ZNF202: variants seen among roughly 807,000 people sequenced by gnomAD.
The protein encoded by ZNF202 is zinc finger protein 202.
ZNF202 carries 22 observed loss-of-function variants against 54.5 expected under a neutral mutation model. That is an observed-to-expected ratio of 0.40 (90% CI 0.29 to 0.58). The LOEUF is 0.58. Among genes scored for constraint, ZNF202 ranks in the 20% least tolerant of loss-of-function variants. The pLI, the probability that ZNF202 is intolerant of heterozygous loss-of-function variation, is 0.39. For missense variants in ZNF202, 644 were observed against 805.5 expected, an observed-to-expected ratio of 0.80 and a Z score of 2.43; for synonymous variants, 294 against 301.4, an observed-to-expected ratio of 0.98 and a Z score of 0.26.
At position 123,726,223 on chromosome 11, in the gene ZNF202, A is replaced by G; in HGVS notation, c.1721T>C (p.Phe574Ser). 1 of 1,614,160 alleles carries G rather than the reference A, an allele frequency of 6.2e-7. No homozygotes were observed. The highest frequency in any genetic ancestry group is 2.2e-5 in the East Asian group (1 of 44,870). ...CTTGGCGAACGCTGCGCTGTGGGTGAAGCAGCGCCCGCACTCGCTGCAGAG... is the reference window on the plus strand; with the variant it reads ...CTTGGCGAACGCTGCGCTGTGGGTGGAGCAGCGCCCGCACTCGCTGCAGAG... Reference protein sequence around the residue: ...LYLCSECGRCFTHSAAFAKHL... With the variant: ...LYLCSECGRCSTHSAAFAKHL... Residue 574 changes from phenylalanine to serine, a missense_variant, in exon 9 of 9, where the codon TTC becomes TCC. Phe to Ser is a radical substitution (Grantham distance 155). This residue lies in a region of ZNF202 where 536 missense variants were observed against 635.3 expected (regional missense o/e 0.84). Transcript: ENST00000530393. The surrounding 1 kb of genome is among the most constrained non-coding windows in gnomAD (Gnocchi z 6.0).
Position 123,729,137 on chromosome 11 carries a change from C to A in ZNF202, c.691G>T (p.Ala231Ser). 6.2e-7 allele frequency: 1 copy of A among 1,613,954 alleles called. No individual in the cohort carries two copies. Among genetic ancestry groups the A allele is most frequent in the Non-Finnish European group, 8.5e-7 (1 of 1,180,002 alleles). ...TAACTAGGGCACACCTGTGACAGAGCAGTAAGAAGAGCAACCATCTCTGAG... is the reference window on the plus strand; with the variant it reads ...TAACTAGGGCACACCTGTGACAGAGAAGTAAGAAGAGCAACCATCTCTGAG... The part of the protein sequence containing the change: ...GDSEMVALLT[A>S]LSQGLVTFKD... The change falls in exon 6 of 9, where the codon GCT (alanine) becomes TCT (serine). Residue 231 changes from alanine (A) to serine (S), a missense_variant. This residue lies in a region of ZNF202 where 536 missense variants were observed against 635.3 expected (regional missense o/e 0.84). Transcript: ENST00000530393.
intron 3 of ZNF202, among the ~76,000 whole-genome samples, chr11:123,733,622 A>G (rs1350634572): frequency 6.6e-6 from 1 of 152,104 alleles, no homozygotes; most frequent in Non-Finnish European, 1.5e-5. Flanking sequence ...CAGTAGTACA[A>G]TCATAGCTCA....
rs1223242868 is a variant in ZNF202 at position 123,726,799 on chromosome 11, T to G, written c.1145A>C (p.Asn382Thr). Residue 382 changes from asparagine to threonine, a missense_variant, in exon 9 of 9, where the codon AAC (asparagine) becomes ACC (threonine). This residue lies in a region of ZNF202 where 536 missense variants were observed against 635.3 expected (regional missense o/e 0.84). Coordinates refer to ENST00000530393, the MANE Select transcript of ZNF202 (RefSeq NM_003455.4). This position sits in a 1 kb window ranked among gnomAD's most constrained non-coding sequence, Gnocchi z 6.0. ...GTGGACGGGTGTAGTTTCCCGAAGG[T>G]TCACAAAACTATTCACTTGAGAAAT... ...TNISQVNSFVNLRETTPVHPL... is the reference protein window; with the variant it reads ...TNISQVNSFVTLRETTPVHPL... 6.2e-7 allele frequency: 1 copy of G among 1,614,148 alleles called. No individual in the cohort carries two copies. Among genetic ancestry groups the G allele is most frequent in the Non-Finnish European group, 8.5e-7 (1 of 1,180,012 alleles).
chr11:123,728,977 T>C (rs532144484), intron 6 of ZNF202, 149 bp downstream of exon 6: 1 of 703,530 alleles, frequency 1.4e-6, no homozygotes, highest in Non-Finnish European at 2.4e-6. Context: ...TTTATCTCAT[T>C]ATCTCCTCCC....
In ZNF202 at chr11:123,727,060, A is replaced by AT; in HGVS notation, c.953-70dup. 12 of 1,523,742 alleles carry AT rather than the reference A, an allele frequency of 7.9e-6. No homozygotes were observed. In the South Asian group the frequency reaches 1.6e-4, roughly 20 times the overall value. The allele number at this position is 1,523,742 out of a possible 1,614,324, so 94.4% of individuals were successfully genotyped here. On this transcript the variant is annotated intron_variant, in intron 8 of 8. Transcript: ENST00000530393. Reference sequence around the variant, plus strand: ...ACAATGCCTTCTACACAATGGGGAGATTTTTACAAAGGGTTTTGAGATGGC... The same window carrying AT: ...ACAATGCCTTCTACACAATGGGGAGATTTTTTACAAAGGGTTTTGAGATGGC...
At chr11:123,737,761 G>A (rs146543109) in intron 3 of ZNF202, among the ~76,000 whole-genome samples, 68 of 152,314 alleles carry the variant, frequency 4.5e-4, no homozygotes, top group African/African-American at 1.5e-3. Context: ...TTCGGCGGAG[G>A]GTGACCTGTG....
chr11:123,733,286 T>A (rs547068670), intron 3 of ZNF202, among the ~76,000 whole-genome samples: 1 of 152,356 alleles, frequency 6.6e-6, no homozygotes, highest in South Asian at 2.1e-4. Context: ...TTCTAATTCA[T>A]GCTCTTATGA....
chr11:123,729,506 C>G, intron 5 of ZNF202, 109 bp downstream of exon 5: 1 of 1,290,826 alleles, frequency 7.7e-7, no homozygotes, highest in Non-Finnish European at 1.0e-6. Flanking sequence ...GATGTCTTTC[C>G]ATACAGTCTA....
In ZNF202 at chr11:123,726,320, A is replaced by G; in HGVS notation, c.1624T>C (p.Cys542Arg). The change falls in exon 9 of 9, where the codon TGT becomes CGT. Residue 542 changes from cysteine to arginine, a missense_variant. By Grantham distance (180) the Cys-to-Arg change is radical (BLOSUM62 -3). Coordinates refer to ENST00000530393, the MANE Select transcript of ZNF202 (RefSeq NM_003455.4). The surrounding 1 kb of genome is among the most constrained non-coding windows in gnomAD (Gnocchi z 6.0). ...LGGKPYLCGE[C>R]GEDFSEHRRY... Reference sequence around the variant, plus strand: ...CTGTGTTCACTGAAGTCCTCACCACACTCTCCACACAAGTAGGGTTTGCCT... The same window carrying G: ...CTGTGTTCACTGAAGTCCTCACCACGCTCTCCACACAAGTAGGGTTTGCCT... 6.2e-7 allele frequency: 1 copy of G among 1,613,694 alleles called. No homozygotes were observed. Among genetic ancestry groups the G allele is most frequent in the Non-Finnish European group, 8.5e-7 (1 of 1,179,916 alleles).
chr11:123,734,512 CTA>C (rs1173556857), intron 3 of ZNF202, among the ~76,000 whole-genome samples: 1 of 152,204 alleles, frequency 6.6e-6, no homozygotes, highest in Non-Finnish European at 1.5e-5. Context: ...GTGGTTAACT[CTA>C]TCCATCTTTC....
chr11:123,726,163 C>A lies in ZNF202; in HGVS notation c.1781G>T (p.Arg594Leu). The A allele has an allele frequency of 6.2e-7, 1 of 1,614,216 alleles. No homozygotes were observed. Among genetic ancestry groups the A allele is most frequent in the Non-Finnish European group, 8.5e-7 (1 of 1,180,036 alleles). ...GAAGCTCTTCCCACATTCGTTGCAT[C>A]GGCAGGGCCTCACTGAGGCGTGTCC... ...LRGHASVRPCRCNECGKSFSR... is the reference protein window; with the variant it reads ...LRGHASVRPCLCNECGKSFSR... Residue 594 changes from arginine (R) to leucine (L), a missense_variant, in exon 9 of 9, where the codon CGA becomes CTA. This residue lies in a region of ZNF202 where 536 missense variants were observed against 635.3 expected (regional missense o/e 0.84). Transcript: ENST00000530393. This position sits in a 1 kb window ranked among gnomAD's most constrained non-coding sequence, Gnocchi z 6.0.
chr11:123,736,492 G>A (rs1252279684), intron 3 of ZNF202, among the ~76,000 whole-genome samples: 1 of 152,182 alleles, frequency 6.6e-6, no homozygotes, highest in Non-Finnish European at 1.5e-5. Flanking sequence ...CCTGTCAACA[G>A]CTCCTCTCAG....
In ZNF202 at chr11:123,728,179, A is replaced by T; in HGVS notation, c.786T>A (p.Tyr262Ter). Residue 262 changes from tyrosine to a stop codon, truncating the protein, a stop_gained, in exon 7 of 9, where the codon TAT (tyrosine) becomes TAA (stop). Transcript: ENST00000530393. LOFTEE classifies it high-confidence loss of function. Reference protein sequence around the residue: ...SDLDPTQKEFYGEYVLEEDCG... With the variant: ...SDLDPTQKEF Reference sequence around the variant, plus strand: ...AGTCTTCTTCCAAGACATATTCTCCATAGAACTCTTTCTGTGTTGGGTCCA... The same window carrying T: ...AGTCTTCTTCCAAGACATATTCTCCTTAGAACTCTTTCTGTGTTGGGTCCA... The T allele has an allele frequency of 6.2e-7, 1 of 1,612,890 alleles. No homozygotes were observed. The highest frequency in any genetic ancestry group is 8.5e-7 in the Non-Finnish European group (1 of 1,179,212).
intron 3 of ZNF202, among the ~76,000 whole-genome samples, chr11:123,737,422 A>G (rs748111166): frequency 1.1e-4 from 16 of 152,014 alleles, no homozygotes; most frequent in Non-Finnish European, 1.9e-4. Context: ...GTGATATTTG[A>G]GTAGTGAGGG....
In ZNF202 at chr11:123,724,012, A is replaced by G. The variant is rs147017971; in HGVS notation, c.*1985T>C. Among the ~76,000 whole-genome samples, 1,138 of 152,346 alleles carry G rather than the reference A, an allele frequency of 7.5e-3. 4 individuals are homozygous for G. The highest frequency in any genetic ancestry group is 0.031 in the Middle Eastern group (9 of 294). ...TGTTGTCACTGCCAGTATTTTACCA[A>G]CCTTTATAAATGGTTAAGTCTGAGC... On this transcript the variant is annotated 3_prime_UTR_variant, in exon 9 of 9. Coordinates refer to ENST00000530393, the MANE Select transcript of ZNF202 (RefSeq NM_003455.4).
Position 123,727,747 on chromosome 11 carries a change from C to A in ZNF202, c.833-152G>T, listed in dbSNP as rs1366589553. On this transcript the variant is annotated intron_variant, in intron 7 of 8. Coordinates refer to ENST00000530393, the MANE Select transcript of ZNF202 (RefSeq NM_003455.4). ...TCTCTTTAGTTTGTGTACTTTTAACCAAGGACTGCGTATCTCTTGCCTTTC... is the reference window on the plus strand; with the variant it reads ...TCTCTTTAGTTTGTGTACTTTTAACAAAGGACTGCGTATCTCTTGCCTTTC... The A allele has an allele frequency of 5.5e-6, 6 of 1,092,460 alleles. No individual in the cohort carries two copies. In the South Asian group the frequency reaches 6.6e-5, roughly 12 times the overall value. 67.7% of individuals were successfully genotyped at this position (1,092,460 alleles called of 1,614,324 possible).
chr11:123,731,794 C>G (rs1042896732), intron 3 of ZNF202, among the ~76,000 whole-genome samples: 1 of 152,200 alleles, frequency 6.6e-6, no homozygotes, highest in Non-Finnish European at 1.5e-5. Flanking sequence ...ATGGCACCAG[C>G]TATTATCTTT....
rs772290587 is a variant in ZNF202, at chr11:123,724,691, C to T, written c.*1306G>A. The T allele has an allele frequency of 2.6e-5, 4 of 152,224 alleles. No individual in the cohort carries two copies. Among genetic ancestry groups the T allele is most frequent in the Non-Finnish European group, 4.4e-5 (3 of 68,040 alleles). The allele number at this position is 152,224 out of a possible 1,614,324, so 9.4% of individuals were successfully genotyped here. On this transcript the variant is annotated 3_prime_UTR_variant, in exon 9 of 9. Coordinates refer to ENST00000530393, the MANE Select transcript of ZNF202 (RefSeq NM_003455.4). ...AGCCTCATCTCCAAGGAACCTTTAA[C>T]TGGCAACAGAGATTGTTGGGCCATC...
Position 123,723,973 on chromosome 11 carries a change from T to C in ZNF202, c.*2024A>G, listed in dbSNP as rs920178231. ...TATTGGAATAATGCAAATAAGAAAA[T>C]TAAAAAGTCAATTTGTTGTCACTGC... is the stretch of plus-strand genomic sequence containing the variant. On this transcript the variant is annotated 3_prime_UTR_variant, in exon 9 of 9. Coordinates refer to ENST00000530393, the MANE Select transcript of ZNF202 (RefSeq NM_003455.4). Among the ~76,000 whole-genome samples, 1 of 152,174 alleles carries C rather than the reference T, an allele frequency of 6.6e-6. No homozygotes were observed. Among genetic ancestry groups the C allele is most frequent in the Non-Finnish European group, 1.5e-5 (1 of 68,028 alleles).
Sources: allele counts gnomAD v4.1 joint callset (sites outside exome capture counted in the v4.1 genomes callset), GRCh38; gene constraint gnomAD v4.1.1; regional missense constraint gnomAD v4.1.1; non-coding constraint Gnocchi (gnomAD v3.1); transcripts MANE v1.5; gene names NCBI Gene and HGNC (gene_info 2026-07-23, HGNC 2026-07-21).